SHANK2: variants seen among roughly 807,000 people sequenced by gnomAD.
The protein encoded by SHANK2 is SH3 and multiple ankyrin repeat domains 2.
SHANK2 carries 43 observed loss-of-function variants against 133.7 expected under a neutral mutation model. The ratio of observed to expected loss-of-function variants is 0.32; its 90% CI spans 0.25 to 0.41. The LOEUF is 0.41. SHANK2 is among the 10% of genes least tolerant of loss of function. The pLI, the probability that SHANK2 is intolerant of heterozygous loss-of-function variation, is 1.00. For missense variants in SHANK2, 1,994 were observed against 2,235.8 expected, an observed-to-expected ratio of 0.89 and a Z score of 2.18; for synonymous variants, 1,017 against 952.8, an observed-to-expected ratio of 1.07 and a Z score of -1.24.
At chr11:70,744,775 G>T (rs560373777) in intron 14 of SHANK2, among the ~76,000 whole-genome samples, 160 of 152,302 alleles carry the variant, frequency 1.1e-3, no homozygotes, top group Admixed American at 2.8e-3. Context: ...CCCTGGCTGG[G>T]CCACACCCCA....
intron 11 of SHANK2, among the ~76,000 whole-genome samples, chr11:70,837,260 G>A (rs549056775): frequency 2.0e-5 from 3 of 152,216 alleles, no homozygotes; most frequent in African/African-American, 7.2e-5. Flanking sequence ...GGGGACTTAC[G>A]CCATTGTCTC....
At chr11:70,780,432 T>G (rs1041706569) in intron 14 of SHANK2, among the ~76,000 whole-genome samples, 1 of 151,492 alleles carries the variant, frequency 6.6e-6, no homozygotes, top group African/African-American at 2.4e-5. Flanking sequence ...TCTAAATGAG[T>G]TTTTCCAAAT....
At chr11:70,577,739 T>C (rs1462356838) in intron 17 of SHANK2, among the ~76,000 whole-genome samples, 1 of 151,638 alleles carries the variant, frequency 6.6e-6, no homozygotes, top group African/African-American at 2.4e-5. Context: ...GGTGGGCTGA[T>C]AAACGGAGGT....
At chr11:70,836,083 G>A (rs1386411380) in intron 11 of SHANK2, among the ~76,000 whole-genome samples, 1 of 152,204 alleles carries the variant, frequency 6.6e-6, no homozygotes, top group South Asian at 2.1e-4. Flanking sequence ...TAGGAGTGTC[G>A]CTCCGTTTCC....
At chr11:70,580,271 C>T (rs1331672418) in intron 17 of SHANK2, among the ~76,000 whole-genome samples, 2 of 147,370 alleles carry the variant, frequency 1.4e-5, no homozygotes, top group Non-Finnish European at 3.0e-5. Flanking sequence ...AGGCACAGCG[C>T]AGCCTTACTG....
intron 2 of SHANK2, among the ~76,000 whole-genome samples, chr11:71,163,237 T>G (rs1165994087): frequency 6.9e-6 from 1 of 145,706 alleles, no homozygotes; most frequent in Non-Finnish European, 1.5e-5. Context: ...ATACTGATGG[T>G]GGGTATAGAG....
At chr11:71,070,579 G>GA (rs1419384562) in intron 9 of SHANK2, among the ~76,000 whole-genome samples, 25 of 151,968 alleles carry the variant, frequency 1.6e-4, no homozygotes, top group Non-Finnish European at 1.0e-4. Context: ...TGGGGAGGGG[G>GA]ATCCATCAAT....
chr11:70,487,075 G>A lies in SHANK2; in HGVS notation c.3218C>T (p.Thr1073Ile). 2 of 1,609,820 alleles carry A rather than the reference G, an allele frequency of 1.2e-6. No individual in the cohort carries two copies. ...PSQLRPDESL[T>I]VSSPFAAAIA... ...GGCGGCGGCAAAGGGGCTGCTGACG[G>A]TCAGGCTTTCGTCAGGCCGCAGCTG... The change falls in exon 25 of 26, where the codon ACC (threonine) becomes ATC (isoleucine). Residue 1073 changes from threonine (T) to isoleucine (I), a missense_variant. Physicochemically the swap from Thr to Ile is moderately conservative, Grantham distance 89. This residue lies in a region of SHANK2 where 488 missense variants were observed against 642.6 expected (regional missense o/e 0.76). Coordinates refer to ENST00000601538, the MANE Select transcript of SHANK2 (RefSeq NM_012309.5). The surrounding 1 kb of genome is among the most constrained non-coding windows in gnomAD (Gnocchi z 5.8).
At chr11:70,693,485 C>T (rs1394071710) in intron 15 of SHANK2, among the ~76,000 whole-genome samples, 1 of 152,188 alleles carries the variant, frequency 6.6e-6, no homozygotes, top group African/African-American at 2.4e-5. Flanking sequence ...CAGGGAGACA[C>T]TCCCTCCCTG....
At chr11:71,181,238 T>C (rs184953122) in intron 2 of SHANK2, among the ~76,000 whole-genome samples, 1 of 152,012 alleles carries the variant, frequency 6.6e-6, no homozygotes, top group Admixed American at 6.5e-5. Flanking sequence ...GTTAATAAGG[T>C]AGCACTTGGA....
intron 2 of SHANK2, among the ~76,000 whole-genome samples, chr11:71,153,370 C>T (rs1555108486): frequency 6.6e-6 from 1 of 152,050 alleles, no homozygotes. Flanking sequence ...CTCCTTGGCC[C>T]TCCTAGAGTA....
chr11:71,242,034 A>C lies in SHANK2; in HGVS notation c.-113+10391T>G, dbSNP rs575779371. Among the ~76,000 whole-genome samples the C allele has an allele frequency of 8.5e-5, 13 of 152,356 alleles. No individual in the cohort carries two copies. In the South Asian group the frequency reaches 2.5e-3, roughly 29 times the overall value. On this transcript the variant is annotated intron_variant, in intron 1 of 25. Transcript: ENST00000601538. The stretch of plus-strand genomic sequence containing the variant: ...TATAAACAAAATGTGGCCCATCCAC[A>C]CAATGGAATATTACTCAGCCACAAA...
intron 1 of SHANK2, among the ~76,000 whole-genome samples, chr11:71,250,894 T>A (rs1948166716): frequency 6.6e-6 from 1 of 152,224 alleles, no homozygotes. Context: ...ATTACCTCTC[T>A]GGATCTGGAA....
chr11:70,771,026 G>T (rs1192046744), intron 14 of SHANK2, among the ~76,000 whole-genome samples: 3 of 143,136 alleles, frequency 2.1e-5, no homozygotes, highest in Non-Finnish European at 4.5e-5. Flanking sequence ...CCAGGCTCAA[G>T]CGATACACCC....
intron 9 of SHANK2, among the ~76,000 whole-genome samples, chr11:71,064,290 A>T (rs2135942491): frequency 6.6e-6 from 1 of 152,304 alleles, no homozygotes; most frequent in East Asian, 1.9e-4. Flanking sequence ...AGTGGAGAGG[A>T]TGCGGCTGGC....
intron 15 of SHANK2, among the ~76,000 whole-genome samples, chr11:70,686,596 GAGA>G (rs1945160389): frequency 6.6e-6 from 1 of 152,190 alleles, no homozygotes; most frequent in South Asian, 2.1e-4. Flanking sequence ...AGATGCCAGG[GAGA>G]AGGAGACAAG....
Position 70,764,943 on chromosome 11 carries a change from T to C in SHANK2, c.1777+33500A>G, listed in dbSNP as rs567020622. Among the ~76,000 whole-genome samples the C allele has an allele frequency of 4.6e-5, 7 of 152,362 alleles. No individual in the cohort carries two copies. In the South Asian group the frequency reaches 1.4e-3, roughly 32 times the overall value. ...CTGATGAATCAGAGAGGGTGTTACA[T>C]ATGGCCCCTCTCCCAACAGATTCTT... On this transcript the variant is annotated intron_variant, in intron 14 of 25. Transcript: ENST00000601538.
At chr11:70,661,892 C>G in intron 15 of SHANK2, 1 of 1,345,386 alleles carries the variant, frequency 7.4e-7, no homozygotes, top group Non-Finnish European at 1.0e-6. Context: ...CACAATGAGA[C>G]TTGCAGGGTG....
At chr11:70,793,686 G>T (rs564011581) in intron 14 of SHANK2, among the ~76,000 whole-genome samples, 1 of 152,204 alleles carries the variant, frequency 6.6e-6, no homozygotes, top group African/African-American at 2.4e-5. Context: ...ATTGCCAAAT[G>T]TTGATGAGAA....
Sources: gnomAD v4.1 joint callset for allele counts (sites outside exome capture counted in the v4.1 genomes callset) on GRCh38, gnomAD v4.1.1 for gene constraint, gnomAD v4.1.1 regional missense constraint, Gnocchi (gnomAD v3.1) non-coding constraint, MANE v1.5 for transcripts, NCBI Gene and HGNC (gene_info 2026-07-23, HGNC 2026-07-21) for gene names.